NRXN3: variants seen among roughly 807,000 people sequenced by gnomAD.
NRXN3 encodes neurexin III.
In NRXN3, 32 loss-of-function variants were observed where a neutral mutation model predicts 137.6. The observed-to-expected ratio is 0.23, with a 90% CI of 0.18 to 0.31. The LOEUF (loss-of-function observed/expected upper bound fraction) is 0.31. NRXN3 is among the 10% of genes least tolerant of loss of function. The pLI is 1.00. For missense variants in NRXN3, 1,574 were observed against 2,062.5 expected (o/e 0.76, Z 4.59); for synonymous variants, 798 against 784.5 (o/e 1.02, Z -0.29).
intron 15 of NRXN3, among the ~76,000 whole-genome samples, chr14:79,039,551 T>A (rs1183193559): frequency 6.6e-6 from 1 of 152,106 alleles, no homozygotes; most frequent in Non-Finnish European, 1.5e-5. Context: ...ACACCATTTT[T>A]TCTGTTATGT....
At chr14:79,302,707 G>A (rs1047131499) in intron 15 of NRXN3, among the ~76,000 whole-genome samples, 1 of 151,902 alleles carries the variant, frequency 6.6e-6, no homozygotes, top group Non-Finnish European at 1.5e-5. Flanking sequence ...TTGTTTAAAA[G>A]TGTGACCCTT....
intron 11 of NRXN3, among the ~76,000 whole-genome samples, chr14:78,963,984 G>C (rs959604440): frequency 6.6e-6 from 1 of 151,842 alleles, no homozygotes; most frequent in Non-Finnish European, 1.5e-5. Context: ...GCCCAGGCTG[G>C]TCTTGAACTC....
At chr14:78,325,625 A>G (rs140894343) in intron 4 of NRXN3, among the ~76,000 whole-genome samples, 14 of 152,150 alleles carry the variant, frequency 9.2e-5, no homozygotes, top group Admixed American at 4.6e-4. Context: ...TCATTCAAGT[A>G]GGGGAAGAAA....
intron 15 of NRXN3, among the ~76,000 whole-genome samples, chr14:79,077,479 A>G (rs1201942618): frequency 3.9e-5 from 6 of 152,216 alleles, no homozygotes; most frequent in Admixed American, 2.6e-4. Flanking sequence ...CTCCCTACAG[A>G]ATATAATAAA....
intron 15 of NRXN3, among the ~76,000 whole-genome samples, chr14:79,174,979 CTTTT>C (rs5809926): frequency 7.2e-5 from 9 of 124,948 alleles, no homozygotes; most frequent in African/African-American, 1.7e-4. Context: ...TTCAGATTTC[CTTTT>C]TTTTTTTTTT....
At chr14:79,419,126 A>T (rs1228135309) in intron 15 of NRXN3, among the ~76,000 whole-genome samples, 1 of 152,216 alleles carries the variant, frequency 6.6e-6, no homozygotes, top group Non-Finnish European at 1.5e-5. Context: ...GATGAATATG[A>T]AGTATGAGTA....
intron 2 of NRXN3, among the ~76,000 whole-genome samples, chr14:78,249,017 C>T (rs1388902807): frequency 6.6e-6 from 1 of 152,216 alleles, no homozygotes; most frequent in Non-Finnish European, 1.5e-5. Flanking sequence ...CCTGGGTATA[C>T]TGTATGCTAA....
intron 10 of NRXN3, among the ~76,000 whole-genome samples, chr14:78,851,710 C>T (rs904058385): frequency 2.0e-5 from 3 of 152,168 alleles, no homozygotes; most frequent in Middle Eastern, 3.4e-3. Flanking sequence ...AAGGAAACAA[C>T]GAAAGTGAGA....
intron 8 of NRXN3, among the ~76,000 whole-genome samples, chr14:78,730,838 A>T (rs2098511705): frequency 6.6e-6 from 1 of 152,256 alleles, no homozygotes; most frequent in Non-Finnish European, 1.5e-5. Context: ...ATTTGGCTGC[A>T]GCACAAAGGA....
At chr14:79,176,878 T>A (rs2062398277) in intron 15 of NRXN3, among the ~76,000 whole-genome samples, 1 of 152,238 alleles carries the variant, frequency 6.6e-6, no homozygotes, top group Admixed American at 6.5e-5. Context: ...ACCTTGCACC[T>A]ATCACTGGCT....
At chr14:79,683,045 G>C (rs1460122541) in intron 17 of NRXN3, among the ~76,000 whole-genome samples, 2 of 152,120 alleles carry the variant, frequency 1.3e-5, no homozygotes, top group Non-Finnish European at 2.9e-5. Context: ...GTTCTTCAAA[G>C]AAACTCTAAT....
chr14:78,401,422 C>T (rs566510904), intron 4 of NRXN3, among the ~76,000 whole-genome samples: 1 of 152,236 alleles, frequency 6.6e-6, no homozygotes, highest in African/African-American at 2.4e-5. Context: ...TCCTGAGCCT[C>T]CCAAAGTGCT....
intron 16 of NRXN3, among the ~76,000 whole-genome samples, chr14:79,557,215 T>A (rs776241179): frequency 1.3e-5 from 2 of 152,116 alleles, no homozygotes; most frequent in Non-Finnish European, 2.9e-5. Context: ...TGTGATAGAT[T>A]GAGGCCATCT....
At chr14:78,540,481 C>T (rs1041671491) in intron 4 of NRXN3, among the ~76,000 whole-genome samples, 3 of 146,948 alleles carry the variant, frequency 2.0e-5, no homozygotes, top group Non-Finnish European at 4.5e-5. Flanking sequence ...AGATCTTCCT[C>T]CATTCCTCTA....
chr14:78,915,552 C>G (rs987979882), intron 10 of NRXN3, among the ~76,000 whole-genome samples: 1 of 151,730 alleles, frequency 6.6e-6, no homozygotes, highest in Admixed American at 6.6e-5. Flanking sequence ...CAGTTCTTGC[C>G]CTTAAGAAGC....
At chr14:78,314,772 C>T (rs961998238) in intron 4 of NRXN3, among the ~76,000 whole-genome samples, 3 of 152,112 alleles carry the variant, frequency 2.0e-5, no homozygotes, top group Non-Finnish European at 4.4e-5. Flanking sequence ...TTCAGCCCAC[C>T]TTCATTCAAA....
At chr14:78,904,270 A>G (rs376583488) in intron 10 of NRXN3, among the ~76,000 whole-genome samples, 34 of 152,062 alleles carry the variant, frequency 2.2e-4, no homozygotes, top group African/African-American at 7.0e-4. Context: ...CAACTGGGAG[A>G]GAGGGTGTTG....
chr14:78,709,000 A>C (rs536021011), intron 6 of NRXN3, among the ~76,000 whole-genome samples: 2 of 152,302 alleles, frequency 1.3e-5, no homozygotes, highest in South Asian at 4.1e-4. Context: ...AGACAAAAGA[A>C]ATTCTGTAGA....
chr14:78,178,592 T>C (rs1245587481), intron 1 of NRXN3, among the ~76,000 whole-genome samples: 1 of 152,116 alleles, frequency 6.6e-6, no homozygotes, highest in Non-Finnish European at 1.5e-5. Flanking sequence ...ACAGCCACAC[T>C]CCCCATGGCC....
Sources: allele counts gnomAD v4.1 joint callset (sites outside exome capture counted in the v4.1 genomes callset), GRCh38; gene constraint gnomAD v4.1.1; transcripts MANE v1.5; gene names NCBI Gene and HGNC (gene_info 2026-07-23, HGNC 2026-07-21).